The following WRAP73 variants were observed in gnomAD, a reference collection of about 807,000 sequenced individuals.
WRAP73 encodes the protein WD repeat-containing protein WRAP73.
A neutral mutation model predicts 59.6 loss-of-function variants in WRAP73; 55 were observed. The ratio of observed to expected loss-of-function variants is 0.92; its 90% CI spans 0.74 to 1.15. The LOEUF is 1.15. Among genes scored for constraint, WRAP73 ranks in the 50% most tolerant of loss-of-function variants. The pLI is 0.00. For synonymous variants in WRAP73, 265 were observed against 258.2 expected (o/e 1.03, Z -0.25); for missense variants, 592 against 608.1 (o/e 0.97, Z 0.28).
At chr1:3,642,322 T>C (rs1644653958) in intron 3 of WRAP73, among the ~76,000 whole-genome samples, 1 of 152,202 alleles carries the variant, frequency 6.6e-6, no homozygotes, top group South Asian at 2.1e-4. Flanking sequence ...CTCAATAATG[T>C]AGACAGTGTG....
chr1:3,641,761 GAAAA>G (rs58320352), intron 3 of WRAP73, among the ~76,000 whole-genome samples: 3,746 of 152,270 alleles, frequency 0.025, 155 homozygotes, highest in African/African-American at 0.083. Flanking sequence ...TCAGATATAA[GAAAA>G]AGTCTGCAGT....
In WRAP73 at chr1:3,646,077, A is replaced by G. The variant is rs1644688918; in HGVS notation, c.339+589T>C. Among the ~76,000 whole-genome samples the G allele has an allele frequency of 6.6e-6, 1 of 152,196 alleles. No individual in the cohort carries two copies. Among genetic ancestry groups the G allele is most frequent in the Non-Finnish European group, 1.5e-5 (1 of 68,034 alleles). ...TATAATGCTCTGACCTAAAATATAC[A>G]CACCACTATATACGCTCCCCGGCTC... On this transcript the variant is annotated intron_variant, in intron 3 of 11. Transcript: ENST00000270708. The surrounding 1 kb of genome is among the most constrained non-coding windows in gnomAD (Gnocchi z 5.1).
chr1:3,634,901 A>G (rs1644574627), intron 8 of WRAP73, 96 bp downstream of exon 8: 1 of 1,416,132 alleles, frequency 7.1e-7, no homozygotes, highest in Non-Finnish European at 9.9e-7. Flanking sequence ...GCCCGGTTAA[A>G]TAATAAACCA....
intron 3 of WRAP73, among the ~76,000 whole-genome samples, chr1:3,645,092 A>G (rs1369135998): frequency 2.0e-5 from 3 of 152,238 alleles, no homozygotes; most frequent in African/African-American, 7.2e-5. Flanking sequence ...ATAATAGCAG[A>G]CATTAGATTT....
intron 3 of WRAP73, among the ~76,000 whole-genome samples, chr1:3,643,140 G>C (rs1423117549): frequency 6.6e-6 from 1 of 152,252 alleles, no homozygotes; most frequent in Non-Finnish European, 1.5e-5. Flanking sequence ...TCACGAGGAA[G>C]GGAAGGCCCA....
intron 4 of WRAP73, 60 bp downstream of exon 4, chr1:3,638,690 G>A (rs1019403575): frequency 9.4e-6 from 15 of 1,596,198 alleles, no homozygotes; most frequent in African/African-American, 2.7e-5. Flanking sequence ...GAAACTTCCC[G>A]TGACAAAAAA....
At chr1:3,644,804 T>G (rs1028068496) in intron 3 of WRAP73, among the ~76,000 whole-genome samples, 1 of 152,226 alleles carries the variant, frequency 6.6e-6, no homozygotes, top group African/African-American at 2.4e-5. Flanking sequence ...AACCAGGCTT[T>G]TATCCATCTT....
Position 3,646,588 on chromosome 1 carries a change from CT to C in WRAP73, c.339+77del, listed in dbSNP as rs1644692604. On this transcript the variant is annotated intron_variant, in intron 3 of 11. Coordinates refer to ENST00000270708, the MANE Select transcript of WRAP73 (RefSeq NM_017818.4). The surrounding 1 kb of genome is among the most constrained non-coding windows in gnomAD (Gnocchi z 5.1). Reference sequence around the variant, plus strand: ...GACTAGCATACTCCAAACACACCCCCTCTCGCACTCCCCAGCTGTTTCGAGA... The same window carrying C: ...GACTAGCATACTCCAAACACACCCCCCTCGCACTCCCCAGCTGTTTCGAGA... 1.6e-6 allele frequency: 2 copies of C among 1,236,372 alleles called. No homozygotes were observed. The highest frequency in any genetic ancestry group is 4.5e-5 in the Admixed American group (2 of 44,310). 76.6% of individuals were successfully genotyped at this position (1,236,372 alleles called of 1,614,324 possible). A position where few individuals can be genotyped will look rare whatever the true frequency, so the allele number is the denominator to read the frequency against.
chr1:3,631,205 A>G lies in WRAP73; in HGVS notation c.1241-88T>C, dbSNP rs12079436. The G allele has an allele frequency of 0.015, 23,479 of 1,566,600 alleles. 2,753 individuals are homozygous for G. The African/African-American group carries it at 0.27, about 18-fold the overall frequency. ...ACCCCCTTGTCCTGCAGGCCAGCACAGTGCCTGGAGTGACCCACATAGGCA... is the reference window on the plus strand; with the variant it reads ...ACCCCCTTGTCCTGCAGGCCAGCACGGTGCCTGGAGTGACCCACATAGGCA... On this transcript the variant is annotated intron_variant, in intron 11 of 11. Transcript: ENST00000270708.
rs756334707 is a variant in WRAP73, at chr1:3,650,029, C to A, written c.-30G>T. 24 of 1,573,934 alleles carry A rather than the reference C, an allele frequency of 1.5e-5. No homozygotes were observed. The highest frequency in any genetic ancestry group is 9.1e-5 in the Admixed American group (5 of 54,684). On this transcript the variant is annotated 5_prime_UTR_variant, in exon 1 of 12. Coordinates refer to ENST00000270708, the MANE Select transcript of WRAP73 (RefSeq NM_017818.4). Reference sequence around the variant, plus strand: ...GCCGCCTGCCGCGGGCGCCACCCTGCGCCCGAAAACCCGCGGGACCCCTGG... The same window carrying A: ...GCCGCCTGCCGCGGGCGCCACCCTGAGCCCGAAAACCCGCGGGACCCCTGG...
At position 3,646,664 on chromosome 1, in the gene WRAP73, A is replaced by C. The variant is rs1644694204; in HGVS notation, c.339+2T>G. The C allele has an allele frequency of 1.3e-6, 2 of 1,592,442 alleles. No homozygotes were observed. Among genetic ancestry groups the C allele is most frequent in the Non-Finnish European group, 1.7e-6 (2 of 1,164,710 alleles). The stretch of plus-strand genomic sequence containing the variant: ...GTAAGGTGTCTTGGGGCTGACACTT[A>C]CATGGAATTCCGTGGTGTTGAGAAT... On this transcript the variant is annotated splice_donor_variant, in intron 3 of 11. Coordinates refer to ENST00000270708, the MANE Select transcript of WRAP73 (RefSeq NM_017818.4). LOFTEE classifies it high-confidence loss of function. This position sits in a 1 kb window ranked among gnomAD's most constrained non-coding sequence, Gnocchi z 5.1.
In WRAP73 at chr1:3,632,213, C is replaced by T. The variant is rs760941694; in HGVS notation, c.1048G>A (p.Asp350Asn). 4 of 1,612,286 alleles carry T rather than the reference C, an allele frequency of 2.5e-6. No individual in the cohort carries two copies. Among genetic ancestry groups the T allele is most frequent in the East Asian group, 2.2e-5 (1 of 44,880 alleles). The change falls in exon 10 of 12, where the codon GAC (aspartate) becomes AAC (asparagine). Residue 350 changes from aspartate to asparagine, a missense_variant and splice_region_variant. Physicochemically the swap from Asp to Asn is conservative, Grantham distance 23. Coordinates refer to ENST00000270708, the MANE Select transcript of WRAP73 (RefSeq NM_017818.4). ...PDSYFLATRN[D>N]NIPNAVWVWD... ...CAGCACCTGCGTCAGCACAACTGAC[C>T]GTTCCTTGTCGCCAGGAAGTAGCTG... is the stretch of plus-strand genomic sequence containing the variant.
chr1:3,642,336 C>T (rs1228593748), intron 3 of WRAP73, among the ~76,000 whole-genome samples: 1 of 152,236 alleles, frequency 6.6e-6, no homozygotes, highest in Non-Finnish European at 1.5e-5. Context: ...CAGTGTGGTG[C>T]TGGCACATAG....
chr1:3,640,625 G>T (rs1221324508), intron 3 of WRAP73, among the ~76,000 whole-genome samples: 5 of 144,664 alleles, frequency 3.5e-5, no homozygotes, highest in African/African-American at 1.3e-4. Flanking sequence ...AGCAGGGCGG[G>T]GTGGAGCGCC....
At position 3,636,006 on chromosome 1, in the gene WRAP73, G is replaced by A. The variant is rs145591410; in HGVS notation, c.541C>T (p.Leu181Phe). The part of the protein sequence containing the change: ...LRHFDTDTQD[L>F]TGIEWAPNGC... The stretch of plus-strand genomic sequence containing the variant: ...TTTGGGGCCCACTCAATCCCTGTGA[G>A]ATCCTGGGTGTCCGTATCAAAATGC... Residue 181 changes from leucine (L) to phenylalanine (F), a missense_variant, in exon 6 of 12, where the codon CTC becomes TTC. Physicochemically the swap from Leu to Phe is conservative, Grantham distance 22. Transcript: ENST00000270708. 6.2e-7 allele frequency: 1 copy of A among 1,614,000 alleles called. No individual in the cohort carries two copies. The highest frequency in any genetic ancestry group is 8.5e-7 in the Non-Finnish European group (1 of 1,180,010).
intron 1 of WRAP73, among the ~76,000 whole-genome samples, chr1:3,649,228 T>A (rs777994121): frequency 4.6e-5 from 7 of 152,220 alleles, no homozygotes; most frequent in Non-Finnish European, 7.3e-5. Context: ...AAGTTATAGC[T>A]CTGTGATTTA....
intron 4 of WRAP73, among the ~76,000 whole-genome samples, chr1:3,637,436 A>G (rs1267267531): frequency 6.6e-6 from 1 of 151,120 alleles, no homozygotes; most frequent in African/African-American, 2.4e-5. Context: ...GAGTCCCCCC[A>G]TGTCTAAGCT....
In WRAP73 at chr1:3,632,373, C is replaced by A. The variant is rs200512386; in HGVS notation, c.923-35G>T. On this transcript the variant is annotated intron_variant, in intron 9 of 11. Coordinates refer to ENST00000270708, the MANE Select transcript of WRAP73 (RefSeq NM_017818.4). ...CAACAGGAAGAACACGCCATTGTCACCCTTTCGGGAAGTACGCACGCGGCT... is the reference window on the plus strand; with the variant it reads ...CAACAGGAAGAACACGCCATTGTCAACCTTTCGGGAAGTACGCACGCGGCT... 9 of 1,613,878 alleles carry A rather than the reference C, an allele frequency of 5.6e-6. No individual in the cohort carries two copies. The African/African-American group carries it at 1.2e-4, about 22-fold the overall frequency.
intron 1 of WRAP73, among the ~76,000 whole-genome samples, chr1:3,647,862 A>C (rs1644706178): frequency 2.6e-5 from 4 of 152,252 alleles, no homozygotes; most frequent in Admixed American, 2.6e-4. Flanking sequence ...GTATGTTAAA[A>C]ACTAAACTTA....
Sources: gnomAD v4.1 joint callset for allele counts (sites outside exome capture counted in the v4.1 genomes callset) on GRCh38, gnomAD v4.1.1 for gene constraint, Gnocchi (gnomAD v3.1) non-coding constraint, MANE v1.5 for transcripts, NCBI Gene and HGNC (gene_info 2026-07-23, HGNC 2026-07-21) for gene names.